The following LRRC4C variants were observed in gnomAD, a reference collection of about 807,000 sequenced individuals.
The protein encoded by LRRC4C is leucine rich repeat containing 4C.
A neutral mutation model predicts 33.6 loss-of-function variants in LRRC4C; 5 were observed. That is an observed-to-expected ratio of 0.15 (90% confidence interval 0.08 to 0.31). LRRC4C has a LOEUF of 0.31. LRRC4C is among the 10% of genes least tolerant of loss of function. LRRC4C has a pLI of 1.00. For missense variants in LRRC4C, 560 were observed against 796.7 expected (o/e 0.70, Z 3.58); for synonymous variants, 329 against 302.0 (o/e 1.09, Z -0.93).
chr11:40,570,169 T>C (rs1957925451), intron 3 of LRRC4C, among the ~76,000 whole-genome samples: 2 of 152,106 alleles, frequency 1.3e-5, no homozygotes, highest in Non-Finnish European at 2.9e-5. Context: ...TGTACCAAAA[T>C]AGTACAATGT....
chr11:40,421,801 C>A (rs563478118), intron 3 of LRRC4C, among the ~76,000 whole-genome samples: 1 of 152,308 alleles, frequency 6.6e-6, no homozygotes, highest in South Asian at 2.1e-4. Flanking sequence ...TCCATAAAAA[C>A]CGACACTGAG....
chr11:40,401,595 A>G (rs1165179758), intron 3 of LRRC4C, among the ~76,000 whole-genome samples: 1 of 152,118 alleles, frequency 6.6e-6, no homozygotes, highest in Admixed American at 6.6e-5. Context: ...TCCAAAGGAA[A>G]CTATCACAAA....
At chr11:41,458,017 T>A (rs1309732385) in intron 1 of LRRC4C, among the ~76,000 whole-genome samples, 1 of 152,160 alleles carries the variant, frequency 6.6e-6, no homozygotes, top group African/African-American at 2.4e-5. Context: ...TATATATATA[T>A]AATCAACGTT....
chr11:40,369,958 T>A (rs1948378508), intron 3 of LRRC4C, among the ~76,000 whole-genome samples: 1 of 152,230 alleles, frequency 6.6e-6, no homozygotes, highest in African/African-American at 2.4e-5. Context: ...AAATGTTTTA[T>A]GAATATATCG....
chr11:40,927,321 C>T (rs942699458), intron 2 of LRRC4C, among the ~76,000 whole-genome samples: 2 of 150,366 alleles, frequency 1.3e-5, no homozygotes, highest in Admixed American at 1.3e-4. Context: ...TTGCAATGAG[C>T]CAAGATCATG....
chr11:40,487,466 G>C (rs576122276), intron 3 of LRRC4C, among the ~76,000 whole-genome samples: 1 of 152,156 alleles, frequency 6.6e-6, no homozygotes, highest in African/African-American at 2.4e-5. Flanking sequence ...AAATGTGATT[G>C]AATCAATACT....
chr11:40,191,159 T>C (rs2135606073), intron 5 of LRRC4C, among the ~76,000 whole-genome samples: 1 of 152,308 alleles, frequency 6.6e-6, no homozygotes, highest in South Asian at 2.1e-4. Context: ...CCCCATGTGA[T>C]GGGAACCAAA....
intron 1 of LRRC4C, among the ~76,000 whole-genome samples, chr11:41,277,028 T>C (rs1022786842): frequency 1.3e-5 from 2 of 152,196 alleles, no homozygotes; most frequent in African/African-American, 4.8e-5. Context: ...AACAAGAAAC[T>C]ATCACAGATG....
intron 1 of LRRC4C, among the ~76,000 whole-genome samples, chr11:41,450,820 T>C (rs1208393917): frequency 6.6e-6 from 1 of 152,142 alleles, no homozygotes; most frequent in Non-Finnish European, 1.5e-5. Flanking sequence ...ATATGCAAAG[T>C]TATAATTTCT....
intron 4 of LRRC4C, among the ~76,000 whole-genome samples, chr11:40,317,237 T>C (rs920528742): frequency 2.0e-5 from 3 of 151,960 alleles, no homozygotes; most frequent in African/African-American, 7.2e-5. Flanking sequence ...ACTTTATTCC[T>C]TTTTAAATAT....
chr11:40,159,606 T>C (rs555007853), intron 5 of LRRC4C, among the ~76,000 whole-genome samples: 1 of 152,308 alleles, frequency 6.6e-6, no homozygotes, highest in East Asian at 1.9e-4. Flanking sequence ...TCTCCAGATG[T>C]GCTTATGCAT....
chr11:40,390,686 T>C (rs1474195889), intron 3 of LRRC4C, among the ~76,000 whole-genome samples: 3 of 152,098 alleles, frequency 2.0e-5, no homozygotes, highest in Admixed American at 6.6e-5. Flanking sequence ...TGCAGAAGTT[T>C]CCATAGTAAG....
At chr11:40,570,406 G>A (rs1418535313) in intron 3 of LRRC4C, among the ~76,000 whole-genome samples, 1 of 152,064 alleles carries the variant, frequency 6.6e-6, no homozygotes, top group East Asian at 1.9e-4. Flanking sequence ...ATTGTGCTGG[G>A]CAACCCAAAG....
intron 2 of LRRC4C, among the ~76,000 whole-genome samples, chr11:40,851,747 C>A (rs1953512559): frequency 6.6e-6 from 1 of 152,086 alleles, no homozygotes; most frequent in Admixed American, 6.5e-5. Context: ...ACCAGCCTGG[C>A]AACAGAGTGA....
chr11:40,538,149 G>GA (rs1956552767), intron 3 of LRRC4C, among the ~76,000 whole-genome samples: 2 of 152,256 alleles, frequency 1.3e-5, no homozygotes, highest in Middle Eastern at 3.4e-3. Context: ...GGTGCACATG[G>GA]AAAAATCTTT....
intron 3 of LRRC4C, among the ~76,000 whole-genome samples, chr11:40,574,176 T>G (rs1488006505): frequency 6.6e-6 from 1 of 152,198 alleles, no homozygotes; most frequent in Non-Finnish European, 1.5e-5. Context: ...CATTTTAAAG[T>G]CAAGGACTCC....
intron 1 of LRRC4C, among the ~76,000 whole-genome samples, chr11:40,935,590 C>T (rs1957842598): frequency 6.6e-6 from 1 of 151,994 alleles, no homozygotes; most frequent in Non-Finnish European, 1.5e-5. Context: ...AGGTTTGTAG[C>T]CTGGGAGCAA....
At chr11:41,290,534 C>G (rs569013938) in intron 1 of LRRC4C, among the ~76,000 whole-genome samples, 1 of 152,274 alleles carries the variant, frequency 6.6e-6, no homozygotes, top group South Asian at 2.1e-4. Context: ...GTATACTATT[C>G]ACACGGAGGC....
At chr11:40,334,009 C>A (rs753883580) in intron 3 of LRRC4C, among the ~76,000 whole-genome samples, 2 of 152,118 alleles carry the variant, frequency 1.3e-5, no homozygotes, top group Non-Finnish European at 2.9e-5. Flanking sequence ...TCACTGTCTG[C>A]TGACTGGCTG....
Sources: gnomAD v4.1 joint callset for allele counts (sites outside exome capture counted in the v4.1 genomes callset) on GRCh38, gnomAD v4.1.1 for gene constraint, MANE v1.5 for transcripts, NCBI Gene and HGNC (gene_info 2026-07-23, HGNC 2026-07-21) for gene names.